The following MYO1D variants were observed in gnomAD, a reference collection of about 807,000 sequenced individuals.
The protein encoded by MYO1D is unconventional myosin-Id.
MYO1D carries 83 observed loss-of-function variants against 122.0 expected under a neutral mutation model. The observed-to-expected ratio is 0.68, with a 90% CI of 0.57 to 0.82. MYO1D has a LOEUF of 0.82. Ranked by LOEUF, MYO1D falls within the 40% of genes least tolerant of loss-of-function variation. MYO1D has a pLI of 0.00. For synonymous variants in MYO1D, 464 were observed against 446.9 expected (o/e 1.04, Z -0.48); for missense variants, 1,157 against 1,269.5 (o/e 0.91, Z 1.35).
At chr17:32,870,548 C>A (rs1481025880) in intron 1 of MYO1D, among the ~76,000 whole-genome samples, 1 of 148,786 alleles carries the variant, frequency 6.7e-6, no homozygotes, top group Non-Finnish European at 1.5e-5. Context: ...ACTGCCCCAA[C>A]ACACAGTTAA....
intron 21 of MYO1D, among the ~76,000 whole-genome samples, chr17:32,499,936 C>T (rs1420695991): frequency 6.6e-6 from 1 of 152,136 alleles, no homozygotes; most frequent in Non-Finnish European, 1.5e-5. Context: ...ACACTCCAGC[C>T]TGAGTGACAG....
At chr17:32,547,455 C>T (rs866273254) in intron 21 of MYO1D, among the ~76,000 whole-genome samples, 3 of 152,200 alleles carry the variant, frequency 2.0e-5, no homozygotes, top group Admixed American at 6.5e-5. Flanking sequence ...ATAAATGCCA[C>T]GCTTTTCCAT....
In MYO1D at chr17:32,613,159, G is replaced by GTT. The variant is rs11462118; in HGVS notation, c.2710-7920_2710-7919dup. Among the ~76,000 whole-genome samples the GTT allele has an allele frequency of 4.2e-3, 637 of 151,558 alleles. 2 individuals carry two copies. The highest frequency in any genetic ancestry group is 0.014 in the African/African-American group (578 of 41,310). ...AATTTCTATTTATAACTAGCAAAAA[G>GTT]TTTTTTTTTAGATTATCAGAAAAAT... On this transcript the variant is annotated intron_variant, in intron 20 of 21. Coordinates refer to ENST00000318217, the MANE Select transcript of MYO1D (RefSeq NM_015194.3).
intron 16 of MYO1D, among the ~76,000 whole-genome samples, chr17:32,709,928 C>T (rs1344125346): frequency 2.0e-5 from 3 of 151,886 alleles, no homozygotes; most frequent in Non-Finnish European, 4.4e-5. Context: ...TTCATAGGGC[C>T]TAAGTCTAAA....
chr17:32,543,031 C>A (rs1411315771), intron 21 of MYO1D, among the ~76,000 whole-genome samples: 1 of 151,958 alleles, frequency 6.6e-6, no homozygotes, highest in African/African-American at 2.4e-5. Flanking sequence ...TCGAGACCAT[C>A]CTGGCTAACA....
chr17:32,838,504 T>C (rs183413176), intron 1 of MYO1D, among the ~76,000 whole-genome samples: 117 of 152,234 alleles, frequency 7.7e-4, no homozygotes, highest in African/African-American at 2.6e-3. Flanking sequence ...TAGTCACTAT[T>C]TTTATGGTGC....
chr17:32,661,990 T>A (rs1216880727), intron 16 of MYO1D, among the ~76,000 whole-genome samples: 1 of 152,252 alleles, frequency 6.6e-6, no homozygotes, highest in Non-Finnish European at 1.5e-5. Flanking sequence ...GCCTTGTTTT[T>A]AAAATTTGCT....
rs1908991594 is a variant in MYO1D, at chr17:32,493,966, G to A, written c.*793C>T. The stretch of plus-strand genomic sequence containing the variant: ...TCCTGACCCAAGTGTGGTGACAGCA[G>A]GTATCTGATTAGCAACCCTGCAAAC... On this transcript the variant is annotated 3_prime_UTR_variant, in exon 22 of 22. Transcript: ENST00000318217. The A allele has an allele frequency of 6.6e-6, 1 of 152,300 alleles. No individual in the cohort carries two copies. The highest frequency in any genetic ancestry group is 2.4e-5 in the African/African-American group (1 of 41,464). The allele number at this position is 152,300 out of a possible 1,614,324, so 9.4% of individuals were successfully genotyped here. A position where few individuals can be genotyped will look rare whatever the true frequency, so the allele number is the denominator to read the frequency against.
At chr17:32,678,140 G>C (rs921737345) in intron 16 of MYO1D, among the ~76,000 whole-genome samples, 1 of 152,098 alleles carries the variant, frequency 6.6e-6, no homozygotes, top group South Asian at 2.1e-4. Flanking sequence ...TTCCTGGCTT[G>C]AATTCTCCCT....
At chr17:32,815,301 G>A (rs1288233977) in intron 1 of MYO1D, among the ~76,000 whole-genome samples, 1 of 152,080 alleles carries the variant, frequency 6.6e-6, no homozygotes, top group African/African-American at 2.4e-5. Flanking sequence ...TACATAAACT[G>A]TAGGAAAAAA....
chr17:32,593,550 T>C (rs185336648), intron 21 of MYO1D, among the ~76,000 whole-genome samples: 26 of 152,348 alleles, frequency 1.7e-4, no homozygotes, highest in Non-Finnish European at 3.2e-4. Context: ...TGTTCCTTTG[T>C]AAGAGAATCT....
At chr17:32,516,610 A>G (rs1314196700) in intron 21 of MYO1D, among the ~76,000 whole-genome samples, 1 of 152,234 alleles carries the variant, frequency 6.6e-6, no homozygotes, top group African/African-American at 2.4e-5. Flanking sequence ...TTTAAATGTG[A>G]AGTGTCTCCA....
chr17:32,772,679 G>A (rs1176040999), intron 5 of MYO1D, 110 bp downstream of exon 5: 1 of 874,240 alleles, frequency 1.1e-6, no homozygotes. Context: ...ACATGTTACG[G>A]GGCCAATGGA....
chr17:32,652,241 C>A (rs2088402079), intron 19 of MYO1D, among the ~76,000 whole-genome samples: 1 of 152,116 alleles, frequency 6.6e-6, no homozygotes, highest in Non-Finnish European at 1.5e-5. Flanking sequence ...TATACTCCGA[C>A]CAAAAATGTC....
intron 11 of MYO1D, among the ~76,000 whole-genome samples, chr17:32,749,227 G>A (rs2089872585): frequency 6.6e-6 from 1 of 152,184 alleles, no homozygotes. Flanking sequence ...GCTGGATATG[G>A]CCAAGTAACC....
chr17:32,784,467 A>T (rs2090272407), intron 1 of MYO1D, among the ~76,000 whole-genome samples: 1 of 151,646 alleles, frequency 6.6e-6, no homozygotes, highest in African/African-American at 2.4e-5. Context: ...CCTTTTTAGA[A>T]CTTCCTAAAT....
intron 20 of MYO1D, among the ~76,000 whole-genome samples, chr17:32,620,340 G>A (rs321149): frequency 6.6e-6 from 1 of 152,010 alleles, no homozygotes. Context: ...CTGATGAGAG[G>A]TGGAGGTATC....
Position 32,771,194 on chromosome 17 carries a change from C to G in MYO1D, c.645G>C (p.Met215Ile), listed in dbSNP as rs1181179375. Reference sequence around the variant, plus strand: ...ATTTCTGGAGATGTAGAGAGCGTAGCATTTGTTCTGAACCTCCTTGGAGTA... The same window carrying G: ...ATTTCTGGAGATGTAGAGAGCGTAGGATTTGTTCTGAACCTCCTTGGAGTA... The part of the protein sequence containing the change: ...YQLLQGGSEQ[M>I]LRSLHLQKSL... Residue 215 changes from methionine (M) to isoleucine (I), a missense_variant, in exon 6 of 22, where the codon ATG becomes ATC. Physicochemically the swap from Met to Ile is conservative, Grantham distance 10 (BLOSUM62 1). Transcript: ENST00000318217. 3 of 1,611,250 alleles carry G rather than the reference C, an allele frequency of 1.9e-6. No homozygotes were observed. The highest frequency in any genetic ancestry group is 1.7e-6 in the Non-Finnish European group (2 of 1,177,812).
rs1451890122 is a variant in MYO1D at position 32,494,233 on chromosome 17, C to A, written c.*526G>T. 6.5e-6 allele frequency: 1 copy of A among 154,294 alleles called. No homozygotes were observed. Among genetic ancestry groups the A allele is most frequent in the East Asian group, 1.9e-4 (1 of 5,220 alleles). The allele number at this position is 154,294 out of a possible 1,614,324, so 9.6% of individuals were successfully genotyped here. On this transcript the variant is annotated 3_prime_UTR_variant, in exon 22 of 22. Transcript: ENST00000318217. ...TGGCCCTGTGGGTGACTCTGCTCACCCAGTGGCTTTGGCTGGCGGCTGGGA... is the reference window on the plus strand; with the variant it reads ...TGGCCCTGTGGGTGACTCTGCTCACACAGTGGCTTTGGCTGGCGGCTGGGA...
Sources: allele counts gnomAD v4.1 joint callset (sites outside exome capture counted in the v4.1 genomes callset), GRCh38; gene constraint gnomAD v4.1.1; transcripts MANE v1.5; gene names NCBI Gene and HGNC (gene_info 2026-07-23, HGNC 2026-07-21).